The following GRID2 variants were observed in gnomAD, a reference collection of about 807,000 sequenced individuals.
GRID2 encodes the protein glutamate ionotropic receptor delta type subunit 2.
A neutral mutation model predicts 114.8 loss-of-function variants in GRID2; 33 were observed. The ratio of observed to expected loss-of-function variants is 0.29; its 90% CI spans 0.22 to 0.38. The LOEUF (loss-of-function observed/expected upper bound fraction) is 0.38, where lower values mean the gene tolerates loss of function less well. Ranked by LOEUF, GRID2 falls within the 10% of genes least tolerant of loss-of-function variation. GRID2 has a pLI of 1.00. For synonymous variants in GRID2, 505 were observed against 449.9 expected (o/e 1.12, Z -1.55); for missense variants, 1,184 against 1,257.7 (o/e 0.94, Z 0.89).
At chr4:93,118,410 A>G (rs1733479931) in intron 4 of GRID2, among the ~76,000 whole-genome samples, 1 of 152,308 alleles carries the variant, frequency 6.6e-6, no homozygotes, top group African/African-American at 2.4e-5. Context: ...GACGTTTAAG[A>G]CCAGTTTTTA....
chr4:93,108,009 C>T (rs182083970), intron 3 of GRID2, among the ~76,000 whole-genome samples: 14 of 152,284 alleles, frequency 9.2e-5, no homozygotes, highest in Non-Finnish European at 1.8e-4. Flanking sequence ...GTCTCACTAG[C>T]TAGGCTGCAA....
chr4:93,244,131 C>T (rs1747863843), intron 8 of GRID2, among the ~76,000 whole-genome samples: 2 of 151,908 alleles, frequency 1.3e-5, no homozygotes, highest in South Asian at 4.1e-4. Flanking sequence ...GTTAAGTTTG[C>T]CAGTGCTGCT....
intron 2 of GRID2, among the ~76,000 whole-genome samples, chr4:93,083,179 C>A (rs960175318): frequency 3.3e-5 from 5 of 152,086 alleles, no homozygotes; most frequent in African/African-American, 1.2e-4. Context: ...AAACCAAAAT[C>A]TCTTCTAAAA....
chr4:92,382,182 G>A (rs1729650625), intron 1 of GRID2, among the ~76,000 whole-genome samples: 1 of 151,646 alleles, frequency 6.6e-6, no homozygotes, highest in Non-Finnish European at 1.5e-5. Context: ...ACTGTATTGA[G>A]CCCATAAAAT....
chr4:93,576,854 C>T (rs1736472900), intron 13 of GRID2, among the ~76,000 whole-genome samples: 1 of 151,734 alleles, frequency 6.6e-6, no homozygotes, highest in Non-Finnish European at 1.5e-5. Flanking sequence ...TTGGGAGGGG[C>T]AGGAGATCAG....
intron 13 of GRID2, among the ~76,000 whole-genome samples, chr4:93,524,361 T>G (rs1403222814): frequency 1.3e-5 from 2 of 152,068 alleles, no homozygotes. Context: ...CACTGGCATA[T>G]TTTCTGCTCT....
At chr4:93,754,879 T>C (rs941150081) in intron 14 of GRID2, among the ~76,000 whole-genome samples, 2 of 152,184 alleles carry the variant, frequency 1.3e-5, no homozygotes, top group African/African-American at 2.4e-5. Flanking sequence ...TTTACAGTAT[T>C]ACCAGACCTA....
intron 1 of GRID2, among the ~76,000 whole-genome samples, chr4:92,551,526 T>C (rs1344333152): frequency 1.3e-5 from 2 of 152,150 alleles, no homozygotes; most frequent in African/African-American, 2.4e-5. Context: ...AGATAAATTC[T>C]ATGTGTCAGT....
At chr4:93,793,863 T>C (rs763432614) in intron 1 of GRID2, among the ~76,000 whole-genome samples, 42 of 152,176 alleles carry the variant, frequency 2.8e-4, no homozygotes, top group Non-Finnish European at 5.4e-4. Context: ...CACATCTTAG[T>C]GCTCCTCCAG....
rs183550448 is a variant in GRID2 at position 92,348,035 on chromosome 4, A to G, written c.88+43291A>G. ...CAGTGGCATAGTCATAGTTCACTGC[A>G]ACCTCTAATTCTTGGGCTCAACTGA... On this transcript the variant is annotated intron_variant, in intron 1 of 15. Coordinates refer to ENST00000282020, the MANE Select transcript of GRID2 (RefSeq NM_001510.4). 2.0e-5 allele frequency among the ~76,000 whole-genome samples: 3 copies of G among 152,300 alleles called. No individual in the cohort carries two copies. The East Asian group carries it at 5.8e-4, about 29-fold the overall frequency.
At chr4:92,414,819 T>C (rs1731515644) in intron 1 of GRID2, among the ~76,000 whole-genome samples, 1 of 152,116 alleles carries the variant, frequency 6.6e-6, no homozygotes, top group Admixed American at 6.6e-5. Flanking sequence ...TTAGATCCAT[T>C]TATACAGCAG....
intron 13 of GRID2, among the ~76,000 whole-genome samples, chr4:93,579,985 G>A (rs1045025718): frequency 6.6e-6 from 1 of 152,070 alleles, no homozygotes; most frequent in African/African-American, 2.4e-5. Context: ...TGTTATTAAG[G>A]CTCTCCAAAA....
At chr4:92,966,782 G>A (rs558048880) in intron 2 of GRID2, among the ~76,000 whole-genome samples, 17 of 151,884 alleles carry the variant, frequency 1.1e-4, no homozygotes, top group African/African-American at 3.9e-4. Flanking sequence ...ACTCAGTCTC[G>A]GGTATGTCCT....
intron 2 of GRID2, among the ~76,000 whole-genome samples, chr4:92,633,137 T>G (rs1461328191): frequency 6.6e-6 from 1 of 152,156 alleles, no homozygotes; most frequent in Non-Finnish European, 1.5e-5. Context: ...AAGCTCTTTC[T>G]GGTGCATGAC....
intron 14 of GRID2, among the ~76,000 whole-genome samples, chr4:93,718,263 A>AAATT (rs1386499034): frequency 6.6e-6 from 1 of 152,222 alleles, no homozygotes; most frequent in Non-Finnish European, 1.5e-5. Flanking sequence ...GGATACAAAA[A>AAATT]AATTATTTTC....
intron 2 of GRID2, among the ~76,000 whole-genome samples, chr4:92,802,790 G>A (rs2149373374): frequency 6.6e-6 from 1 of 152,038 alleles, no homozygotes; most frequent in Middle Eastern, 3.4e-3. Context: ...GTAGGAAGAT[G>A]CCTCCACGAT....
chr4:92,583,375 T>A (rs1292738160), intron 1 of GRID2, among the ~76,000 whole-genome samples: 2 of 152,064 alleles, frequency 1.3e-5, no homozygotes, highest in Non-Finnish European at 2.9e-5. Context: ...TTGATGTATA[T>A]CCAGCACCTC....
At chr4:93,308,303 G>A (rs925904612) in intron 8 of GRID2, among the ~76,000 whole-genome samples, 17 of 152,186 alleles carry the variant, frequency 1.1e-4, no homozygotes, top group African/African-American at 3.9e-4. Context: ...GTGTTTTGTG[G>A]TTTCGAAAGT....
At chr4:92,410,237 AC>A (rs1490210882) in intron 1 of GRID2, among the ~76,000 whole-genome samples, 1 of 152,166 alleles carries the variant, frequency 6.6e-6, no homozygotes, top group African/African-American at 2.4e-5. Flanking sequence ...CTATATGGGC[AC>A]ATGTTTTCAT....
Sources: gnomAD v4.1 joint callset for allele counts (sites outside exome capture counted in the v4.1 genomes callset) on GRCh38, gnomAD v4.1.1 for gene constraint, MANE v1.5 for transcripts, NCBI Gene and HGNC (gene_info 2026-07-23, HGNC 2026-07-21) for gene names.